LINGO2: variants seen among roughly 807,000 people sequenced by gnomAD.
LINGO2 encodes the protein leucine-rich repeat and immunoglobulin-like domain-containing nogo receptor-interacting protein 2.
A neutral mutation model predicts 30.6 loss-of-function variants in LINGO2; 14 were observed. The ratio of observed to expected loss-of-function variants is 0.46; its 90% confidence interval spans 0.30 to 0.72. LINGO2 has a LOEUF of 0.72. Ranked by LOEUF, LINGO2 falls within the 30% of genes least tolerant of loss-of-function variation. The pLI is 0.07. For missense variants in LINGO2, 729 were observed against 751.7 expected, an observed-to-expected ratio of 0.97 and a Z score of 0.35; for synonymous variants, 317 against 288.5, an observed-to-expected ratio of 1.10 and a Z score of -1.00.
At chr9:28,868,784 C>G in the LINGO2 span, among the ~76,000 whole-genome samples, 21,315 of 151,958 alleles carry the variant, frequency 0.14, 2,183 homozygotes, top group African/African-American at 0.29. Context: ...GAGTTTGTTC[C>G]AAACCTCAAA....
At chr9:28,986,965 C>G in the LINGO2 span, among the ~76,000 whole-genome samples, 1 of 150,456 alleles carries the variant, frequency 6.6e-6, no homozygotes, top group Non-Finnish European at 1.5e-5. Flanking sequence ...GAATTACTCT[C>G]TTGATTTCTT....
At chr9:28,951,841 C>T in the LINGO2 span, among the ~76,000 whole-genome samples, 6,264 of 152,104 alleles carry the variant, frequency 0.041, 198 homozygotes, top group Admixed American at 0.082. Flanking sequence ...TTAATCCACC[C>T]ATTATATTAA....
At chr9:28,731,349 GA>G in the LINGO2 span, among the ~76,000 whole-genome samples, 3 of 152,032 alleles carry the variant, frequency 2.0e-5, no homozygotes, top group Non-Finnish European at 4.4e-5. Context: ...TCACACCATG[GA>G]ATACTACTCA....
At chr9:28,845,217 C>T in the LINGO2 span, among the ~76,000 whole-genome samples, 1 of 151,792 alleles carries the variant, frequency 6.6e-6, no homozygotes, top group Non-Finnish European at 1.5e-5. Flanking sequence ...GCGATGTGTC[C>T]AGATGCTCTT....
chr9:28,911,988 T>C, the LINGO2 span, among the ~76,000 whole-genome samples: 2 of 152,144 alleles, frequency 1.3e-5, no homozygotes, highest in Non-Finnish European at 2.9e-5. Context: ...ATTAAATAAA[T>C]GTGTATGAAT....
At chr9:27,964,491 A>T (rs1820002292) in intron 5 of LINGO2, among the ~76,000 whole-genome samples, 1 of 152,122 alleles carries the variant, frequency 6.6e-6, no homozygotes, top group African/African-American at 2.4e-5. Flanking sequence ...CTGTATAAAA[A>T]TTAGCTGAAT....
At chr9:28,050,866 A>G (rs1223606212) in intron 4 of LINGO2, among the ~76,000 whole-genome samples, 1 of 151,050 alleles carries the variant, frequency 6.6e-6, no homozygotes, top group African/African-American at 2.4e-5. Flanking sequence ...GTGATTTTAT[A>G]TAAGTTGAAA....
the LINGO2 span, among the ~76,000 whole-genome samples, chr9:28,793,444 G>T: frequency 6.6e-6 from 1 of 152,118 alleles, no homozygotes; most frequent in African/African-American, 2.4e-5. Context: ...CTTTTGCGGA[G>T]AGTTGTTATT....
intron 5 of LINGO2, among the ~76,000 whole-genome samples, chr9:27,959,388 T>C (rs1243859499): frequency 6.6e-6 from 1 of 152,138 alleles, no homozygotes; most frequent in Non-Finnish European, 1.5e-5. Context: ...TGACTTAAGG[T>C]ATAAAAACTA....
chr9:28,060,950 C>T (rs745687587), intron 4 of LINGO2, among the ~76,000 whole-genome samples: 1 of 151,974 alleles, frequency 6.6e-6, no homozygotes, highest in Non-Finnish European at 1.5e-5. Context: ...CCCCAGTATC[C>T]TTCAGATATC....
chr9:28,495,600 T>C (rs1377280422), intron 1 of LINGO2, among the ~76,000 whole-genome samples: 1 of 152,302 alleles, frequency 6.6e-6, no homozygotes, highest in South Asian at 2.1e-4. Flanking sequence ...ACCAGTACCA[T>C]GCTGTTTTTG....
At chr9:28,451,378 A>G (rs193205103) in intron 2 of LINGO2, among the ~76,000 whole-genome samples, 42 of 151,960 alleles carry the variant, frequency 2.8e-4, no homozygotes, top group African/African-American at 9.6e-4. Context: ...CAGGAAAATA[A>G]TGTTTAAACA....
the LINGO2 span, among the ~76,000 whole-genome samples, chr9:29,024,474 T>G: frequency 6.6e-6 from 1 of 152,126 alleles, no homozygotes; most frequent in African/African-American, 2.4e-5. Context: ...CTTAATGACA[T>G]CACTTCCCAT....
At chr9:28,635,663 A>G (rs1330768284) in intron 1 of LINGO2, among the ~76,000 whole-genome samples, 2 of 152,144 alleles carry the variant, frequency 1.3e-5, no homozygotes, top group African/African-American at 4.8e-5. Context: ...TTTGGGTTTA[A>G]AAGTCATAAG....
intron 1 of LINGO2, among the ~76,000 whole-genome samples, chr9:28,657,791 T>C (rs557940934): frequency 6.6e-6 from 1 of 151,990 alleles, no homozygotes; most frequent in Non-Finnish European, 1.5e-5. Flanking sequence ...TACTTCTAGA[T>C]TTGGGTTTTG....
intron 1 of LINGO2, among the ~76,000 whole-genome samples, chr9:28,628,005 G>A (rs533371420): frequency 1.3e-5 from 2 of 152,082 alleles, no homozygotes; most frequent in Non-Finnish European, 2.9e-5. Flanking sequence ...ATTATTGTCT[G>A]CTCTCTGTTT....
the LINGO2 span, among the ~76,000 whole-genome samples, chr9:29,137,795 T>C: frequency 1.3e-5 from 2 of 152,210 alleles, no homozygotes; most frequent in South Asian, 4.1e-4. Context: ...TAGAACCAAA[T>C]GGCAGGCTCC....
chr9:29,004,334 G>T, the LINGO2 span, among the ~76,000 whole-genome samples: 1 of 151,764 alleles, frequency 6.6e-6, no homozygotes, highest in African/African-American at 2.4e-5. Flanking sequence ...GTATCAAAAT[G>T]CAGACTTCAA....
At chr9:28,855,916 G>A in the LINGO2 span, among the ~76,000 whole-genome samples, 1 of 152,028 alleles carries the variant, frequency 6.6e-6, no homozygotes, top group Non-Finnish European at 1.5e-5. Flanking sequence ...AGGCTTTCTA[G>A]CTGGACTGGA....
Sources: allele counts gnomAD v4.1 joint callset (sites outside exome capture counted in the v4.1 genomes callset), GRCh38; gene constraint gnomAD v4.1.1; transcripts MANE v1.5; gene names NCBI Gene and HGNC (gene_info 2026-07-23, HGNC 2026-07-21).